The following PUS7L variants were observed in gnomAD, a reference collection of about 807,000 sequenced individuals.
The protein encoded by PUS7L is pseudouridine synthase 7 like, also known as pseudouridylate synthase PUS7L.
A neutral mutation model predicts 51.1 loss-of-function variants in PUS7L; 49 were observed. The ratio of observed to expected loss-of-function variants is 0.96; its 90% CI spans 0.76 to 1.22. PUS7L has a LOEUF of 1.22. PUS7L is among the 50% of genes most tolerant of loss of function. The probability of loss-of-function intolerance (pLI) is 0.00; values close to 1 mark genes in which losing one functional copy is unlikely to be tolerated. For missense variants in PUS7L, 828 were observed against 820.6 expected, an observed-to-expected ratio of 1.01 and a Z score of -0.11; for synonymous variants, 277 against 276.2, an observed-to-expected ratio of 1.00 and a Z score of -0.03.
chr12:43,747,546 T>C (rs1174749296), intron 3 of PUS7L, among the ~76,000 whole-genome samples: 1 of 151,674 alleles, frequency 6.6e-6, no homozygotes, highest in African/African-American at 2.4e-5. Context: ...ATTCAAAAAT[T>C]AGCCAGGCAT....
intron 2 of PUS7L, among the ~76,000 whole-genome samples, chr12:43,753,618 C>T (rs530312794): frequency 6.6e-6 from 1 of 152,094 alleles, no homozygotes; most frequent in East Asian, 1.9e-4. Flanking sequence ...GCCAATTAAA[C>T]CTAGTCAGCT....
At chr12:43,735,446 T>C (rs1944663530) in intron 7 of PUS7L, among the ~76,000 whole-genome samples, 1 of 152,132 alleles carries the variant, frequency 6.6e-6, no homozygotes, top group East Asian at 1.9e-4. Flanking sequence ...AATATAAATG[T>C]CTCTAAGACA....
chr12:43,756,666 T>C (rs948322243), intron 1 of PUS7L, among the ~76,000 whole-genome samples: 50 of 152,226 alleles, frequency 3.3e-4, no homozygotes, highest in Admixed American at 3.2e-3. Context: ...TACTTCATCT[T>C]GGTCATCCAC....
intron 8 of PUS7L, among the ~76,000 whole-genome samples, chr12:43,731,463 G>A (rs1396301043): frequency 6.6e-6 from 1 of 152,136 alleles, no homozygotes; most frequent in Non-Finnish European, 1.5e-5. Flanking sequence ...AAAATTTGGA[G>A]AGGGGAGGAA....
chr12:43,736,623 T>G lies in PUS7L; in HGVS notation c.1483A>C (p.Lys495Gln). ...KGTLSLMPEFKVRERALLEAL... is the reference protein window; with the variant it reads ...KGTLSLMPEFQVRERALLEAL... ...TCCAACAATGCTCTCTCACGCACTTTGAATTCAGGCATCAATGAAAGTGTG... is the reference window on the plus strand; with the variant it reads ...TCCAACAATGCTCTCTCACGCACTTGGAATTCAGGCATCAATGAAAGTGTG... Residue 495 changes from lysine to glutamine, a missense_variant, in exon 7 of 9, where the codon AAA becomes CAA. By Grantham distance (53) the Lys-to-Gln change is moderately conservative (BLOSUM62 1). Transcript: ENST00000344862. The G allele has an allele frequency of 6.2e-7, 1 of 1,614,140 alleles. No individual in the cohort carries two copies. Among genetic ancestry groups the G allele is most frequent in the South Asian group, 1.1e-5 (1 of 91,086 alleles).
rs1162207734 is a variant in PUS7L, at chr12:43,729,121, T to A, written c.*1255A>T. On this transcript the variant is annotated 3_prime_UTR_variant, in exon 9 of 9. Transcript: ENST00000344862. The stretch of plus-strand genomic sequence containing the variant: ...CATTGCTTTTTTAAATAACTACATA[T>A]TTTACCATCAAGTTGATACACATCA... The A allele has an allele frequency of 5.0e-6, 2 of 396,128 alleles. No homozygotes were observed. Among genetic ancestry groups the A allele is most frequent in the Non-Finnish European group, 8.9e-6 (2 of 224,444 alleles). 24.5% of individuals were successfully genotyped at this position (396,128 alleles called of 1,614,324 possible).
chr12:43,720,152 G>A lies in PUS7L; in HGVS notation c.*10224C>T, dbSNP rs1467460853. 6.6e-6 allele frequency: 1 copy of A among 152,142 alleles called. No homozygotes were observed. Among genetic ancestry groups the A allele is most frequent in the Non-Finnish European group, 1.5e-5 (1 of 68,040 alleles). 9.4% of individuals were successfully genotyped at this position (152,142 alleles called of 1,614,324 possible). On this transcript the variant is annotated 3_prime_UTR_variant, in exon 9 of 9. Coordinates refer to ENST00000344862, the MANE Select transcript of PUS7L (RefSeq NM_031292.5). ...ATGTGTAGTATGGTTTAATATCATT[G>A]ACTTAAAAATATTTTCTAATTTCAT... is the stretch of plus-strand genomic sequence containing the variant.
chr12:43,742,059 C>G (rs991081053), intron 5 of PUS7L, among the ~76,000 whole-genome samples: 1 of 152,066 alleles, frequency 6.6e-6, no homozygotes, highest in Non-Finnish European at 1.5e-5. Flanking sequence ...TCATTTTGAA[C>G]TAGTCAGATT....
Position 43,754,747 on chromosome 12 carries a change from G to A in PUS7L, c.499C>T (p.Leu167Phe). The change falls in exon 2 of 9, where the codon CTT becomes TTT. Residue 167 changes from leucine (L) to phenylalanine (F), a missense_variant. Physicochemically the swap from Leu to Phe is conservative, Grantham distance 22. Transcript: ENST00000344862. ...AAACTAGCCCTCTGGTTTTTGTCAAGGATTCTGCCTATTGAGAATTCAGGA... is the reference window on the plus strand; with the variant it reads ...AAACTAGCCCTCTGGTTTTTGTCAAAGATTCTGCCTATTGAGAATTCAGGA... ...LPPEFSIGRI[L>F]DKNQRASLHS... 6.2e-7 allele frequency: 1 copy of A among 1,613,914 alleles called. No homozygotes were observed. The highest frequency in any genetic ancestry group is 8.5e-7 in the Non-Finnish European group (1 of 1,179,880).
rs1944368783 is a variant in PUS7L at position 43,719,318 on chromosome 12, A to T, written c.*11058T>A. 3 of 152,220 alleles carry T rather than the reference A, an allele frequency of 2.0e-5. No homozygotes were observed. The highest frequency in any genetic ancestry group is 2.0e-4 in the Admixed American group (3 of 15,284). The allele number at this position is 152,220 out of a possible 1,614,324, so 9.4% of individuals were successfully genotyped here. A position where few individuals can be genotyped will look rare whatever the true frequency, so the allele number is the denominator to read the frequency against. ...CAGACAAAACTGTGTATTTTTTAGG[A>T]ATGAATACATGGGTGGTAAAGCTAT... is the stretch of plus-strand genomic sequence containing the variant. On this transcript the variant is annotated 3_prime_UTR_variant, in exon 9 of 9. Coordinates refer to ENST00000344862, the MANE Select transcript of PUS7L (RefSeq NM_031292.5).
chr12:43,738,377 T>C lies in PUS7L; in HGVS notation c.1377A>G (p.Lys459=). 2 of 1,572,208 alleles carry C rather than the reference T, an allele frequency of 1.3e-6. No homozygotes were observed. The highest frequency in any genetic ancestry group is 1.7e-6 in the Non-Finnish European group (2 of 1,144,002). Reference sequence around the variant, plus strand: ...CCAAGTCTTCTGGTGTAAGAAACAATTTTATGGCTTTCATCTTAAAAAATC... The same window carrying C: ...CCAAGTCTTCTGGTGTAAGAAACAACTTTATGGCTTTCATCTTAAAAAATC... The part of the protein sequence containing the change: ...LLKNEMMKAI[K]LFLTPEDLDD... The change falls in exon 6 of 9, where the codon AAA becomes AAG. Residue 459 remains lysine, a synonymous_variant. Transcript: ENST00000344862.
In PUS7L at chr12:43,748,608, AGCT is replaced by A; in HGVS notation, c.911-2_911del. The A allele has an allele frequency of 6.4e-7, 1 of 1,573,590 alleles. No homozygotes were observed. The highest frequency in any genetic ancestry group is 1.4e-5 in the African/African-American group (1 of 72,320). On this transcript the variant is annotated splice_acceptor_variant and coding_sequence_variant, in exon 3 of 9. Coordinates refer to ENST00000344862, the MANE Select transcript of PUS7L (RefSeq NM_031292.5). LOFTEE classifies it high-confidence loss of function. Reference sequence around the variant, plus strand: ...CCAGGTTTTCCTTTCGTAGGGTAAAAGCTGAAACAAAAAAAAAACTTAGATCAC... The same window carrying A: ...CCAGGTTTTCCTTTCGTAGGGTAAAAGAAACAAAAAAAAAACTTAGATCAC...
At chr12:43,735,239 C>G (rs548130874) in intron 7 of PUS7L, among the ~76,000 whole-genome samples, 16 of 151,938 alleles carry the variant, frequency 1.1e-4, no homozygotes, top group Non-Finnish European at 2.1e-4. Context: ...ATGGCGTGAA[C>G]CCGGGAGGCA....
chr12:43,747,852 G>A (rs1365284739), intron 3 of PUS7L, among the ~76,000 whole-genome samples: 3 of 152,130 alleles, frequency 2.0e-5, no homozygotes, highest in Non-Finnish European at 4.4e-5. Context: ...GCAGTTGCAT[G>A]ATCCCTGCTC....
rs1944637494 is a variant in PUS7L at position 43,734,569 on chromosome 12, G to A, written c.1725+1812C>T. Among the ~76,000 whole-genome samples, 3 of 152,250 alleles carry A rather than the reference G, an allele frequency of 2.0e-5. No homozygotes were observed. In the South Asian group the frequency reaches 6.2e-4, roughly 32 times the overall value. On this transcript the variant is annotated intron_variant, in intron 7 of 8. Transcript: ENST00000344862. Reference sequence around the variant, plus strand: ...TCTGACATTAATTTAGATAAAGTTTGCTTTATGTAGAGTTCAGAGTCTGTT... The same window carrying A: ...TCTGACATTAATTTAGATAAAGTTTACTTTATGTAGAGTTCAGAGTCTGTT...
In PUS7L at chr12:43,732,247, G is replaced by T. The variant is rs768812394; in HGVS notation, c.1726-489C>A. 7.2e-5 allele frequency among the ~76,000 whole-genome samples: 11 copies of T among 152,058 alleles called. No individual in the cohort carries two copies. In the South Asian group the frequency reaches 1.7e-3, roughly 23 times the overall value. On this transcript the variant is annotated intron_variant, in intron 7 of 8. Transcript: ENST00000344862. ...GCTTGAGGCCAGCAGTTTGAGACCA[G>T]CATGGACAACATAGGGAAATCCTGT... is the stretch of plus-strand genomic sequence containing the variant.
chr12:43,748,650 A>G, intron 2 of PUS7L, 41 bp from the exon 3 acceptor site: 1 of 1,454,764 alleles, frequency 6.9e-7, no homozygotes, highest in Non-Finnish European at 9.3e-7. Flanking sequence ...AAAAGCAGCT[A>G]CCATACATCA....
chr12:43,729,273 C>A lies in PUS7L; in HGVS notation c.*1103G>T, dbSNP rs1214785578. 1 of 397,350 alleles carries A rather than the reference C, an allele frequency of 2.5e-6. No individual in the cohort carries two copies. 24.6% of individuals were successfully genotyped at this position (397,350 alleles called of 1,614,324 possible). ...CTCTTCCTTCTTTTGGATTTTATTT[C>A]CTAATGCTAACATTTCCCAAAATGG... On this transcript the variant is annotated 3_prime_UTR_variant, in exon 9 of 9. Transcript: ENST00000344862.
At chr12:43,748,284 T>A (rs1042781197) in intron 3 of PUS7L, among the ~76,000 whole-genome samples, 166 bp downstream of exon 3, 6 of 152,196 alleles carry the variant, frequency 3.9e-5, no homozygotes, top group Non-Finnish European at 7.4e-5. Flanking sequence ...GGATCCACGA[T>A]AATAAAGGCA....
Sources: allele counts gnomAD v4.1 joint callset (sites outside exome capture counted in the v4.1 genomes callset), GRCh38; gene constraint gnomAD v4.1.1; transcripts MANE v1.5; gene names NCBI Gene and HGNC (gene_info 2026-07-23, HGNC 2026-07-21).